Variants in TEX9 observed in about 807,000 individuals in gnomAD.
The protein encoded by TEX9 is testis-expressed protein 9.
TEX9 carries 74 observed loss-of-function variants against 59.6 expected under a neutral mutation model. That is an observed-to-expected ratio of 1.24 (90% confidence interval 1.03 to 1.51). TEX9 has a LOEUF of 1.51. TEX9 is among the 40% of genes most tolerant of loss of function. TEX9 has a pLI of 0.00. For synonymous variants in TEX9, 186 were observed against 152.2 expected, an observed-to-expected ratio of 1.22 and a Z score of -1.64; for missense variants, 522 against 447.8, an observed-to-expected ratio of 1.17 and a Z score of -1.49.
intron 1 of TEX9, among the ~76,000 whole-genome samples, chr15:56,273,206 G>A (rs1384343456): frequency 6.6e-6 from 1 of 151,958 alleles, no homozygotes; most frequent in Non-Finnish European, 1.5e-5. Flanking sequence ...GCCTGCCTTG[G>A]CCTCCAAAAG....
the TEX9 span, among the ~76,000 whole-genome samples, chr15:56,455,507 T>C: frequency 1.3e-5 from 2 of 152,174 alleles, no homozygotes; most frequent in Admixed American, 6.5e-5. Context: ...CCTGTAATAT[T>C]CTACAGACGT....
At chr15:56,458,737 T>G in the TEX9 span, among the ~76,000 whole-genome samples, 2 of 152,214 alleles carry the variant, frequency 1.3e-5, no homozygotes, top group African/African-American at 4.8e-5. Flanking sequence ...TTCTTTCACT[T>G]AGTAATATGC....
intron 1 of TEX9, among the ~76,000 whole-genome samples, chr15:56,338,605 G>T (rs2046304263): frequency 6.6e-6 from 1 of 152,098 alleles, no homozygotes; most frequent in South Asian, 2.1e-4. Context: ...CTTTCAGCAA[G>T]CCCCAGACCA....
chr15:56,415,846 T>G lies in TEX9; in HGVS notation c.963+3410T>G, dbSNP rs574080127. On this transcript the variant is annotated intron_variant, in intron 10 of 12. Transcript: ENST00000352903. ...GCTTTGGGCAGTATAGGCATTTTAA[T>G]AAGTGTTCCTATCAGTGAGCATGGG... 2.9e-3 allele frequency among the ~76,000 whole-genome samples: 437 copies of G among 151,740 alleles called. 5 individuals are homozygous for G. The highest frequency in any genetic ancestry group is 0.018 in the South Asian group (86 of 4,822).
intron 9 of TEX9, among the ~76,000 whole-genome samples, chr15:56,406,400 T>C (rs1272367086): frequency 6.6e-6 from 1 of 152,184 alleles, no homozygotes; most frequent in East Asian, 1.9e-4. Context: ...CTATTAAAAA[T>C]CCACAGTGAA....
intron 1 of TEX9, among the ~76,000 whole-genome samples, chr15:56,249,762 A>G (rs1470381591): frequency 6.0e-5 from 9 of 150,956 alleles, no homozygotes. Context: ...AAAAAAAAAA[A>G]AAAAAAGAGG....
upstream of TEX9, among the ~76,000 whole-genome samples, chr15:56,363,566 T>C (rs1299543333): frequency 6.6e-6 from 1 of 152,198 alleles, no homozygotes; most frequent in Non-Finnish European, 1.5e-5. Flanking sequence ...GAGCATCTTT[T>C]CATGTGCTTT....
At chr15:56,451,949 C>T in the TEX9 span, among the ~76,000 whole-genome samples, 3 of 152,092 alleles carry the variant, frequency 2.0e-5, no homozygotes, top group East Asian at 5.8e-4. Flanking sequence ...AAATTGATTC[C>T]TCTGAAAATC....
intron 3 of TEX9, among the ~76,000 whole-genome samples, chr15:56,378,525 G>C (rs1305356315): frequency 6.6e-6 from 1 of 151,840 alleles, no homozygotes; most frequent in Non-Finnish European, 1.5e-5. Context: ...GCTCATAGTA[G>C]CCACTAATGA....
chr15:56,430,350 G>T (rs541123329), intron 12 of TEX9, among the ~76,000 whole-genome samples, 196 bp downstream of exon 12: 26 of 152,180 alleles, frequency 1.7e-4, no homozygotes, highest in Non-Finnish European at 3.7e-4. Context: ...GGGACTACAG[G>T]CGTGCATCAC....
intron 1 of TEX9, among the ~76,000 whole-genome samples, chr15:56,256,503 A>G (rs1430550237): frequency 6.6e-6 from 1 of 152,142 alleles, no homozygotes; most frequent in African/African-American, 2.4e-5. Flanking sequence ...AGTGAAAAAA[A>G]TACATAAAGT....
chr15:56,349,958 A>G (rs1304076411), intron 1 of TEX9, among the ~76,000 whole-genome samples: 2 of 151,994 alleles, frequency 1.3e-5, no homozygotes, highest in Non-Finnish European at 2.9e-5. Context: ...ATCGGTTAAG[A>G]CTTTACCTTC....
At chr15:56,456,256 A>G in the TEX9 span, 1 of 714,108 alleles carries the variant, frequency 1.4e-6, no homozygotes, top group Non-Finnish European at 2.1e-6. Context: ...ATAGAACTTA[A>G]AGCAATAAGT....
intron 3 of TEX9, among the ~76,000 whole-genome samples, chr15:56,377,178 C>A (rs2047498674): frequency 6.6e-6 from 1 of 152,024 alleles, no homozygotes; most frequent in African/African-American, 2.4e-5. Context: ...TAATTTGAAG[C>A]CAGGTAATGT....
At chr15:56,280,492 A>G (rs1197058335) in intron 1 of TEX9, among the ~76,000 whole-genome samples, 1 of 152,248 alleles carries the variant, frequency 6.6e-6, no homozygotes, top group Non-Finnish European at 1.5e-5. Context: ...AATGATAGAT[A>G]TAACTTCTCT....
Position 56,245,417 on chromosome 15 carries a change from A to T in TEX9, c.-107+1139A>T, listed in dbSNP as rs186502585. Among the ~76,000 whole-genome samples, 23 of 152,340 alleles carry T rather than the reference A, an allele frequency of 1.5e-4. 1 individual carries two copies. The highest frequency in any genetic ancestry group is 1.5e-3 in the Admixed American group (23 of 15,304). On this transcript the variant is annotated intron_variant, in intron 1 of 5. Coordinates refer to the TEX9 transcript ENST00000560827. ...AACTACCCATTGCACGAGTTGCATC[A>T]CACAAATGAGCCCCCTTTTCCATAC...
chr15:56,401,833 A>C (rs1371710970), intron 9 of TEX9, among the ~76,000 whole-genome samples: 1 of 152,230 alleles, frequency 6.6e-6, no homozygotes, highest in African/African-American at 2.4e-5. Context: ...AAACTCACTC[A>C]AAACCACACA....
chr15:56,435,448 A>ATG (rs1331696033), intron 12 of TEX9, among the ~76,000 whole-genome samples: 1 of 152,060 alleles, frequency 6.6e-6, no homozygotes, highest in Non-Finnish European at 1.5e-5. Context: ...AAAAAAATGA[A>ATG]TGAATAAACA....
intron 1 of TEX9, among the ~76,000 whole-genome samples, chr15:56,339,801 G>T (rs984783444): frequency 2.0e-5 from 3 of 151,950 alleles, no homozygotes; most frequent in African/African-American, 7.3e-5. Context: ...CCTTATAAAA[G>T]ATTCTGGAGA....
Sources: allele counts gnomAD v4.1 joint callset (sites outside exome capture counted in the v4.1 genomes callset), GRCh38; gene constraint gnomAD v4.1.1; transcripts MANE v1.5; gene names NCBI Gene and HGNC (gene_info 2026-07-23, HGNC 2026-07-21).